The following ENG variants were observed in gnomAD, a reference collection of about 807,000 sequenced individuals.
The protein encoded by ENG is CD105 antigen.
Under a neutral mutation model 71.0 loss-of-function variants are expected in ENG, and 17 were observed. The observed-to-expected ratio is 0.24, with a 90% confidence interval of 0.16 to 0.36. The LOEUF (loss-of-function observed/expected upper bound fraction) is 0.36, where lower values mean the gene tolerates loss of function less well. Ranked by LOEUF, ENG falls within the 10% of genes least tolerant of loss-of-function variation. ENG has a pLI of 1.00. For missense variants in ENG, 749 were observed against 868.3 expected (o/e 0.86, Z 1.73); for synonymous variants, 360 against 366.9 (o/e 0.98, Z 0.21).
rs748721879 is a variant in ENG at position 127,825,290 on chromosome 9, G to C, written c.757C>G (p.Leu253Val). ...CAGGACACGTAGGGGGGACCCTGCA[G>C]GATGAGGACGGCATCGAGATCCCCG... ...APGDLDAVLI[L>V]QGPPYVSWLI... The change falls in exon 6 of 15, where the codon CTG becomes GTG. Residue 253 changes from leucine to valine, a missense_variant. Leu to Val is a conservative substitution (Grantham distance 32). Coordinates refer to ENST00000373203, the MANE Select transcript of ENG (RefSeq NM_001114753.3). 6.2e-7 allele frequency: 1 copy of C among 1,611,138 alleles called. No homozygotes were observed. The highest frequency in any genetic ancestry group is 8.5e-7 in the Non-Finnish European group (1 of 1,179,394).
rs1830579035 is a variant in ENG at position 127,825,257 on chromosome 9, CGAT to C, written c.787_789del (p.Ile263del). On this transcript the variant is annotated inframe_deletion, in exon 6 of 15. Transcript: ENST00000373203. ...CAGATCTGCATGTTGTGGTTGGCGTCGATGAGCCAGGACACGTAGGGGGGACCC... is the reference window on the plus strand; with the variant it reads ...CAGATCTGCATGTTGTGGTTGGCGTCGAGCCAGGACACGTAGGGGGGACCC... 6.2e-7 allele frequency: 1 copy of C among 1,612,504 alleles called. No individual in the cohort carries two copies.
In ENG at chr9:127,854,587, G is replaced by A. The variant is rs1466875902; in HGVS notation, c.-232C>T. The A allele has an allele frequency of 1.8e-5, 10 of 567,536 alleles. No homozygotes were observed. Among genetic ancestry groups the A allele is most frequent in the Admixed American group, 6.4e-5 (2 of 31,468 alleles). The allele number at this position is 567,536 out of a possible 1,614,324, so 35.2% of individuals were successfully genotyped here. On this transcript the variant is annotated 5_prime_UTR_variant, in exon 1 of 15. Transcript: ENST00000373203. ...CTGTCCGAAGGATGGGCGGGGAGGGGGTGCTGGGCTCCAATGGATGGCAGT... is the reference window on the plus strand; with the variant it reads ...CTGTCCGAAGGATGGGCGGGGAGGGAGTGCTGGGCTCCAATGGATGGCAGT...
intron 2 of ENG, among the ~76,000 whole-genome samples, chr9:127,839,372 C>A (rs1310105246): frequency 6.6e-6 from 1 of 152,086 alleles, no homozygotes; most frequent in African/African-American, 2.4e-5. Context: ...GAGGAAGGTG[C>A]CTCCCAGGGA....
In ENG at chr9:127,846,851, C is replaced by T. The variant is rs1831179284; in HGVS notation, c.68-3606G>A. 3.0e-6 allele frequency: 3 copies of T among 985,476 alleles called. No homozygotes were observed. The highest frequency in any genetic ancestry group is 3.6e-6 in the Non-Finnish European group (3 of 830,020). 61.0% of individuals were successfully genotyped at this position (985,476 alleles called of 1,614,324 possible). A position where few individuals can be genotyped will look rare whatever the true frequency, so the allele number is the denominator to read the frequency against. On this transcript the variant is annotated intron_variant, in intron 1 of 14. Coordinates refer to ENST00000373203, the MANE Select transcript of ENG (RefSeq NM_001114753.3). The surrounding 1 kb of genome is among the most constrained non-coding windows in gnomAD (Gnocchi z 5.5). ...TGACTGGAACCCCAAGTGAGAGACCCAGAAGCCACCTCCCACCACTGTCCC... is the reference window on the plus strand; with the variant it reads ...TGACTGGAACCCCAAGTGAGAGACCTAGAAGCCACCTCCCACCACTGTCCC...
At chr9:127,834,347 C>T (rs1227873653) in intron 2 of ENG, among the ~76,000 whole-genome samples, 2 of 152,178 alleles carry the variant, frequency 1.3e-5, no homozygotes, top group African/African-American at 4.8e-5. Flanking sequence ...AAGCGATTCT[C>T]CTGCCTCAGC....
intron 8 of ENG, among the ~76,000 whole-genome samples, chr9:127,822,865 G>C (rs1027279188): frequency 3.9e-5 from 6 of 152,128 alleles, no homozygotes; most frequent in African/African-American, 1.4e-4. Context: ...GTTTGAAATG[G>C]AGTCTCGCTC....
At chr9:127,829,909 G>A in intron 2 of ENG, 82 bp from the exon 3 acceptor site, 2 of 1,593,680 alleles carry the variant, frequency 1.3e-6, no homozygotes, top group South Asian at 1.1e-5. Flanking sequence ...TGATGATTTG[G>A]ATGCTTCCAC....
intron 11 of ENG, 101 bp from the exon 12 acceptor site, chr9:127,818,478 G>A: frequency 1.3e-6 from 2 of 1,563,062 alleles, no homozygotes; most frequent in Non-Finnish European, 1.7e-6. Context: ...TCCCACCCCT[G>A]AGTCCTCACA....
intron 3 of ENG, among the ~76,000 whole-genome samples, chr9:127,828,019 C>CAAAAAAAAAAAAA: frequency 3.2e-5 from 1 of 31,194 alleles, no homozygotes; most frequent in African/African-American, 1.3e-4. Context: ...AACTCCATCT[C>CAAAAAAAAAAAAA]AAAAAAAAAA....
chr9:127,843,747 ATATATATATTTTTTTTTTTTTTTTTT>A, intron 1 of ENG, among the ~76,000 whole-genome samples: 1 of 13,032 alleles, frequency 7.7e-5, no homozygotes, highest in South Asian at 3.4e-3. Flanking sequence ...ATATATATAT[ATATATATATTTTTTTTTTTTTTTTTT>A]TTTTTTTTTT....
chr9:127,837,621 G>A (rs935221368), intron 2 of ENG, among the ~76,000 whole-genome samples: 6 of 152,110 alleles, frequency 3.9e-5, no homozygotes, highest in Admixed American at 6.5e-5. Context: ...CAACACCTCC[G>A]AACGACCAGA....
chr9:127,830,824 CT>C (rs1430076218), intron 2 of ENG, among the ~76,000 whole-genome samples: 6 of 152,052 alleles, frequency 3.9e-5, no homozygotes, highest in African/African-American at 1.4e-4. Flanking sequence ...GACAGCTCTG[CT>C]TCCAGCCCAC....
chr9:127,817,179 G>T lies in ENG; in HGVS notation c.1711C>A (p.Arg571Ser), dbSNP rs764262721. Residue 571 changes from arginine to serine, a missense_variant, in exon 13 of 15, where the codon CGC becomes AGC. By Grantham distance (110) the Arg-to-Ser change is moderately radical. Coordinates refer to ENST00000373203, the MANE Select transcript of ENG (RefSeq NM_001114753.3). ...DQEVHRTVFM[R>S]LNIISPDLSG... is the part of the protein sequence containing the mutation. ...AGGTCAGGGCTGATGATGTTCAAGC[G>T]CATGAAGACAGTCCTATGGACTTCC... 8 of 1,614,194 alleles carry T rather than the reference G, an allele frequency of 5.0e-6. No individual in the cohort carries two copies. In the Admixed American group the frequency reaches 1.0e-4, roughly 20 times the overall value.
At chr9:127,852,089 C>G (rs1382777245) in intron 1 of ENG, among the ~76,000 whole-genome samples, 1 of 152,220 alleles carries the variant, frequency 6.6e-6, no homozygotes, top group African/African-American at 2.4e-5. Context: ...TCATATGACT[C>G]TGCCTTCTTG....
At chr9:127,818,566 G>C in intron 11 of ENG, 150 bp downstream of exon 11, 1 of 1,364,806 alleles carries the variant, frequency 7.3e-7, no homozygotes, top group Non-Finnish European at 1.0e-6. Context: ...CCTGAGCAAT[G>C]CCTTCTCTGT....
chr9:127,825,024 C>T (rs777744142), intron 6 of ENG, 50 bp from the exon 7 acceptor site: 2 of 1,598,316 alleles, frequency 1.3e-6, no homozygotes, highest in East Asian at 2.2e-5. Context: ...ACAGTCTGTG[C>T]CACAGCAGGC....
rs187195481 is a variant in ENG, at chr9:127,848,566, G to A, written c.68-5321C>T. 4.1e-3 allele frequency among the ~76,000 whole-genome samples: 628 copies of A among 152,306 alleles called. 2 individuals are homozygous for A. The highest frequency in any genetic ancestry group is 6.2e-3 in the Non-Finnish European group (420 of 68,032). On this transcript the variant is annotated intron_variant, in intron 1 of 14. Transcript: ENST00000373203. ...CCCAAAACGTTGGGATTACAGGCAT[G>A]AGCCACCATGCCCAGCCCCTAGCAA... is the stretch of plus-strand genomic sequence containing the variant.
intron 3 of ENG, 115 bp downstream of exon 3, chr9:127,829,572 G>T: frequency 7.2e-7 from 1 of 1,391,398 alleles, no homozygotes; most frequent in East Asian, 2.5e-5. Context: ...ATGTCAAGAT[G>T]AAAGGGAGAA....
In ENG at chr9:127,817,905, T is replaced by C. The variant is rs993615292; in HGVS notation, c.1686+215A>G. The C allele has an allele frequency of 1.7e-5, 11 of 640,880 alleles. No homozygotes were observed. In the African/African-American group the frequency reaches 1.8e-4, roughly 11 times the overall value. 39.7% of individuals were successfully genotyped at this position (640,880 alleles called of 1,614,324 possible). A position where few individuals can be genotyped will look rare whatever the true frequency, so the allele number is the denominator to read the frequency against. On this transcript the variant is annotated intron_variant, in intron 12 of 14. Transcript: ENST00000373203. Reference sequence around the variant, plus strand: ...GGATAGATGGACAGTGGCAGCTGCATAGTCTGCCAGTGCCCCAGACACAGC... The same window carrying C: ...GGATAGATGGACAGTGGCAGCTGCACAGTCTGCCAGTGCCCCAGACACAGC...
Sources: allele counts gnomAD v4.1 joint callset (sites outside exome capture counted in the v4.1 genomes callset), GRCh38; gene constraint gnomAD v4.1.1; non-coding constraint Gnocchi (gnomAD v3.1); transcripts MANE v1.5; gene names NCBI Gene and HGNC (gene_info 2026-07-23, HGNC 2026-07-21).